EFHC2: variants seen among roughly 807,000 people sequenced by gnomAD.
The protein encoded by EFHC2 is EF-hand domain-containing family member C2.
A neutral mutation model predicts 52.7 loss-of-function variants in EFHC2; 18 were observed. That is an observed-to-expected ratio of 0.34 (90% CI 0.24 to 0.51). EFHC2 has a LOEUF of 0.51. EFHC2 is among the 20% of genes least tolerant of loss of function. EFHC2 has a pLI of 0.97. For synonymous variants in EFHC2, 203 were observed against 204.1 expected (o/e 0.99, Z 0.04); for missense variants, 513 against 562.5 (o/e 0.91, Z 0.89).
chrX:44,194,368 T>A (rs922459328), intron 11 of EFHC2, among the ~76,000 whole-genome samples: 2 of 111,511 alleles, frequency 1.8e-5, no homozygotes, highest in African/African-American at 6.5e-5. Context: ...CCCGGCTACG[T>A]TTTGACAGTG....
intron 9 of EFHC2, among the ~76,000 whole-genome samples, 158 bp from the exon 10 acceptor site, chrX:44,232,835 G>C (rs903836266): frequency 2.7e-5 from 3 of 111,264 alleles, no homozygotes; most frequent in Non-Finnish European, 5.6e-5. Flanking sequence ...GAATGAGGCA[G>C]TGAGTGAAGA....
chrX:44,282,139 A>G (rs1414409548), intron 2 of EFHC2, among the ~76,000 whole-genome samples: 2 of 110,648 alleles, frequency 1.8e-5, no homozygotes, highest in Admixed American at 9.7e-5. Flanking sequence ...TCATAGAAAA[A>G]AAAAGGTAGA....
intron 3 of EFHC2, among the ~76,000 whole-genome samples, chrX:44,263,727 C>T (rs1270212747): frequency 8.9e-6 from 1 of 111,881 alleles, no homozygotes; most frequent in African/African-American, 3.2e-5. Context: ...TTTTCAGGAA[C>T]CATTATATAC....
rs1165582337 is a variant in EFHC2, at chrX:44,272,753, G to A, written c.315C>T (p.Tyr105=). ...TNYRIRYYKI[Y]FYPEDDTIQV... ...GAATTGTGTCATCTTCAGGGTAGAA[G>A]TAGATTTTATAGTATCTTATTCTGT... is the stretch of plus-strand genomic sequence containing the variant. The change falls in exon 3 of 15, where the codon TAC becomes TAT. Residue 105 remains tyrosine (Y), a synonymous_variant. Coordinates refer to ENST00000420999, the MANE Select transcript of EFHC2 (RefSeq NM_025184.4). 8.6e-7 allele frequency: 1 copy of A among 1,167,896 alleles called. No individual in the cohort carries two copies. Among genetic ancestry groups the A allele is most frequent in the Admixed American group, 2.6e-5 (1 of 39,138 alleles).
intron 11 of EFHC2, among the ~76,000 whole-genome samples, chrX:44,226,832 G>T (rs1410273749): frequency 9.2e-6 from 1 of 108,504 alleles, no homozygotes; most frequent in African/African-American, 3.4e-5. Flanking sequence ...ACCATGGCAC[G>T]TGTATACCTA....
rs1342346382 is a variant in EFHC2 at position 44,276,350 on chromosome X, G to C, written c.232-3514C>G. Among the ~76,000 whole-genome samples the C allele has an allele frequency of 3.6e-5, 4 of 111,633 alleles. No homozygotes were observed. In the East Asian group the frequency reaches 1.1e-3, roughly 31 times the overall value. ...AAGCTGAGGCAGGAGGATTGCTTTA[G>C]CCCAGGAATTTAAGGCTGCACTGGG... On this transcript the variant is annotated intron_variant, in intron 2 of 14. Transcript: ENST00000420999.
At chrX:44,310,305 G>A (rs891676821) in intron 2 of EFHC2, 11 of 881,793 alleles carry the variant, frequency 1.2e-5, no homozygotes, top group Non-Finnish European at 1.4e-5. Flanking sequence ...TTTAGTTTTC[G>A]GCTCGCGGGC....
intron 4 of EFHC2, among the ~76,000 whole-genome samples, chrX:44,252,179 C>T (rs1395960160): frequency 9.0e-6 from 1 of 111,692 alleles, no homozygotes. Context: ...CCAGGAACCA[C>T]TAGTTAGTTC....
At chrX:44,335,739 A>G (rs2038112587) in intron 1 of EFHC2, among the ~76,000 whole-genome samples, 1 of 112,257 alleles carries the variant, frequency 8.9e-6, no homozygotes, top group Non-Finnish European at 1.9e-5. Context: ...TTTGCATTGA[A>G]AACAATAGTT....
At chrX:44,275,282 T>C (rs1454115988) in intron 2 of EFHC2, among the ~76,000 whole-genome samples, 2 of 111,688 alleles carry the variant, frequency 1.8e-5, no homozygotes, top group Non-Finnish European at 3.8e-5. Flanking sequence ...AGGGACAGAC[T>C]GATATTTCAT....
chrX:44,282,787 C>A (rs1368843691), intron 2 of EFHC2, among the ~76,000 whole-genome samples: 2 of 110,529 alleles, frequency 1.8e-5, no homozygotes, highest in Admixed American at 1.9e-4. Flanking sequence ...ACCATGACTA[C>A]GCTTTTGGAA....
intron 14 of EFHC2, among the ~76,000 whole-genome samples, 180 bp downstream of exon 14, chrX:44,163,742 A>G (rs1468877674): frequency 8.9e-6 from 1 of 112,564 alleles, no homozygotes; most frequent in Non-Finnish European, 1.9e-5. Flanking sequence ...TACAGAGCAG[A>G]TGTTTGCTCA....
At chrX:44,219,611 A>T (rs1338998425) in intron 11 of EFHC2, among the ~76,000 whole-genome samples, 1 of 111,701 alleles carries the variant, frequency 9.0e-6, no homozygotes, top group African/African-American at 3.2e-5. Context: ...ATGTTTTAAA[A>T]TTTTCATAAA....
intron 14 of EFHC2, among the ~76,000 whole-genome samples, chrX:44,160,959 A>G (rs2036648916): frequency 8.9e-6 from 1 of 111,929 alleles, no homozygotes; most frequent in Non-Finnish European, 1.9e-5. Flanking sequence ...TTATATATTC[A>G]TACCACAGCT....
chrX:44,214,780 T>C (rs2037130930), intron 11 of EFHC2, among the ~76,000 whole-genome samples: 1 of 112,232 alleles, frequency 8.9e-6, no homozygotes. Flanking sequence ...AACAATGTAT[T>C]TGATTATGCA....
intron 11 of EFHC2, among the ~76,000 whole-genome samples, chrX:44,185,739 T>A (rs1194029766): frequency 2.7e-5 from 3 of 110,974 alleles, no homozygotes; most frequent in Non-Finnish European, 5.7e-5. Flanking sequence ...GGTCTTGCTA[T>A]GTTGCCCAGG....
intron 3 of EFHC2, among the ~76,000 whole-genome samples, chrX:44,270,124 C>G (rs1374889515): frequency 3.6e-5 from 4 of 111,656 alleles, no homozygotes; most frequent in Admixed American, 1.9e-4. Flanking sequence ...TATTATTACT[C>G]CATGAGATAG....
chrX:44,281,519 AAATCC>A (rs1476310413), intron 2 of EFHC2, among the ~76,000 whole-genome samples: 2 of 112,043 alleles, frequency 1.8e-5, no homozygotes, highest in East Asian at 5.6e-4. Context: ...CCTTCCTGTA[AAATCC>A]AACCCAAATA....
intron 12 of EFHC2, among the ~76,000 whole-genome samples, chrX:44,177,422 G>A (rs925329706): frequency 8.9e-6 from 1 of 112,330 alleles, no homozygotes; most frequent in African/African-American, 3.2e-5. Flanking sequence ...GAAGTCACAA[G>A]GAAGAGAGAT....
Sources: allele counts gnomAD v4.1 joint callset (sites outside exome capture counted in the v4.1 genomes callset), GRCh38; gene constraint gnomAD v4.1.1; transcripts MANE v1.5; gene names NCBI Gene and HGNC (gene_info 2026-07-23, HGNC 2026-07-21).